The following CFAP47 variants were observed in gnomAD, a reference collection of about 807,000 sequenced individuals.
CFAP47 encodes cilia and flagella associated protein 47, also known as cilia- and flagella-associated protein 47.
CFAP47 carries 29 observed loss-of-function variants against 148.1 expected under a neutral mutation model. The observed-to-expected ratio is 0.20, with a 90% confidence interval of 0.15 to 0.27. The LOEUF (loss-of-function observed/expected upper bound fraction) is 0.27, where lower values mean the gene tolerates loss of function less well. Ranked by LOEUF, CFAP47 falls within the 10% of genes least tolerant of loss-of-function variation. The pLI is 1.00. For missense variants in CFAP47, 1,872 were observed against 1,697.5 expected (o/e 1.10, Z -1.81); for synonymous variants, 664 against 577.3 (o/e 1.15, Z -2.15).
chrX:35,967,839 T>C lies in CFAP47; in HGVS notation c.1814+7T>C. The C allele has an allele frequency of 8.5e-7, 1 of 1,174,596 alleles. No individual in the cohort carries two copies. Among genetic ancestry groups the C allele is most frequent in the Non-Finnish European group, 1.2e-6 (1 of 868,843 alleles). Reference sequence around the variant, plus strand: ...ACCATCATAAACATTTCAGGTAACATGAAATATTAAAACCCTGAAATTTGG... The same window carrying C: ...ACCATCATAAACATTTCAGGTAACACGAAATATTAAAACCCTGAAATTTGG... On this transcript the variant is annotated splice_region_variant and intron_variant, in intron 10 of 63. Transcript: ENST00000378653.
intron 30 of CFAP47, among the ~76,000 whole-genome samples, chrX:36,096,204 G>C (rs555008357): frequency 9.0e-6 from 1 of 111,260 alleles, no homozygotes; most frequent in South Asian, 3.7e-4. Context: ...GTAGTCAGAA[G>C]ATGCTTGATA....
chrX:36,288,670 C>T (rs891869556), intron 51 of CFAP47, among the ~76,000 whole-genome samples: 4 of 111,695 alleles, frequency 3.6e-5, no homozygotes, highest in African/African-American at 1.3e-4. Flanking sequence ...CACAAACTAG[C>T]AAAAGAGAAG....
chrX:36,262,294 G>A (rs1274053041), intron 49 of CFAP47, among the ~76,000 whole-genome samples: 2 of 110,870 alleles, frequency 1.8e-5, no homozygotes, highest in East Asian at 5.7e-4. Flanking sequence ...CCCTGTTTTG[G>A]TATCAAATAG....
chrX:36,360,522 C>T (rs978588044), intron 60 of CFAP47, among the ~76,000 whole-genome samples: 10 of 111,647 alleles, frequency 9.0e-5, no homozygotes, highest in South Asian at 3.7e-4. Flanking sequence ...AAGGGGATGT[C>T]GCATCACTGG....
intron 2 of CFAP47, among the ~76,000 whole-genome samples, chrX:35,940,356 A>G (rs1277306803): frequency 3.6e-5 from 4 of 110,978 alleles, no homozygotes; most frequent in South Asian, 3.8e-4. Flanking sequence ...TGTTTTAGAC[A>G]TGAAGTCCTT....
intron 56 of CFAP47, 128 bp from the exon 57 acceptor site, chrX:36,319,081 T>C: frequency 1.2e-5 from 4 of 323,244 alleles, no homozygotes; most frequent in Non-Finnish European, 2.2e-5. Flanking sequence ...TTTTAAAATA[T>C]ACTTTGAAAG....
chrX:36,367,787 C>T (rs1253816653), intron 62 of CFAP47: 1 of 111,657 alleles, frequency 9.0e-6, no homozygotes, highest in Non-Finnish European at 1.9e-5. Context: ...CAGTCAACCA[C>T]TGATTTGCTT....
At chrX:36,261,936 G>A (rs1024586589) in intron 49 of CFAP47, among the ~76,000 whole-genome samples, 4 of 109,427 alleles carry the variant, frequency 3.7e-5, no homozygotes, top group Non-Finnish European at 7.6e-5. Context: ...CGGACGGGTC[G>A]GCTGGCCGGG....
At chrX:35,937,925 A>G (rs1935942072) in intron 2 of CFAP47, among the ~76,000 whole-genome samples, 1 of 111,766 alleles carries the variant, frequency 8.9e-6, no homozygotes, top group African/African-American at 3.3e-5. Flanking sequence ...ATCAACCTGG[A>G]CTTCCAAAGT....
intron 51 of CFAP47, among the ~76,000 whole-genome samples, chrX:36,296,765 G>A (rs1181053826): frequency 9.0e-6 from 1 of 111,482 alleles, no homozygotes; most frequent in Non-Finnish European, 1.9e-5. Context: ...CTTATGCCCT[G>A]AGTAAAATCT....
intron 48 of CFAP47, among the ~76,000 whole-genome samples, chrX:36,246,194 A>G (rs1555996997): frequency 1.8e-5 from 2 of 112,039 alleles, no homozygotes; most frequent in Admixed American, 9.5e-5. Flanking sequence ...CCCAGAATCT[A>G]TAAGGAACTT....
intron 30 of CFAP47, among the ~76,000 whole-genome samples, chrX:36,095,290 T>C (rs1353761478): frequency 3.6e-5 from 4 of 111,779 alleles, no homozygotes; most frequent in Non-Finnish European, 5.7e-5. Flanking sequence ...TTTGGTTTGC[T>C]AATATTTTGT....
chrX:36,131,734 A>G (rs1938952220), intron 33 of CFAP47, among the ~76,000 whole-genome samples: 1 of 111,647 alleles, frequency 9.0e-6, no homozygotes, highest in Non-Finnish European at 1.9e-5. Context: ...TATGCTAAAT[A>G]AAAGACAACA....
chrX:36,053,767 T>C (rs748481713), intron 26 of CFAP47, among the ~76,000 whole-genome samples: 7 of 112,160 alleles, frequency 6.2e-5, no homozygotes, highest in Non-Finnish European at 9.4e-5. Context: ...ATATACGATG[T>C]TCATAACTGG....
intron 33 of CFAP47, among the ~76,000 whole-genome samples, chrX:36,120,740 A>ATT (rs59745709): frequency 1.1e-4 from 11 of 102,699 alleles, no homozygotes; most frequent in African/African-American, 3.9e-4. Flanking sequence ...GATATGATTC[A>ATT]TTTTTTTTTT....
chrX:36,130,235 T>A (rs923227257), intron 33 of CFAP47, among the ~76,000 whole-genome samples: 2 of 110,631 alleles, frequency 1.8e-5, no homozygotes, highest in Non-Finnish European at 3.8e-5. Context: ...GAACAAAAAA[T>A]TTAATAATCT....
At chrX:36,030,273 G>A (rs1311547228) in intron 22 of CFAP47, among the ~76,000 whole-genome samples, 2 of 111,432 alleles carry the variant, frequency 1.8e-5, no homozygotes, top group African/African-American at 3.2e-5. Context: ...GATAGGCAGA[G>A]TATAACTTAT....
chrX:36,107,583 C>A (rs947887503), intron 33 of CFAP47, among the ~76,000 whole-genome samples: 2 of 112,066 alleles, frequency 1.8e-5, no homozygotes, highest in Non-Finnish European at 3.8e-5. Context: ...GGAACAGAGA[C>A]AAGCCAACAG....
At chrX:36,240,943 A>G (rs1239382675) in intron 48 of CFAP47, among the ~76,000 whole-genome samples, 1 of 111,428 alleles carries the variant, frequency 9.0e-6, no homozygotes, top group Admixed American at 9.5e-5. Context: ...GTTCCCATTG[A>G]TAGAGACAAA....
Sources: gnomAD v4.1 joint callset for allele counts (sites outside exome capture counted in the v4.1 genomes callset) on GRCh38, gnomAD v4.1.1 for gene constraint, MANE v1.5 for transcripts, NCBI Gene and HGNC (gene_info 2026-07-23, HGNC 2026-07-21) for gene names.